MTO1: variants seen among roughly 807,000 people sequenced by gnomAD.
MTO1 encodes 5-taurinomethyluridine-[tRNA] synthase subunit MTO1, mitochondrial.
Under a neutral mutation model 71.6 loss-of-function variants are expected in MTO1, and 46 were observed. That is an observed-to-expected ratio of 0.64 (90% confidence interval 0.51 to 0.82). MTO1 has a LOEUF of 0.82. Among genes scored for constraint, MTO1 ranks in the 40% least tolerant of loss-of-function variants. The probability of loss-of-function intolerance (pLI) is 0.00; values close to 1 mark genes in which losing one functional copy is unlikely to be tolerated. For synonymous variants in MTO1, 297 were observed against 312.1 expected (o/e 0.95, Z 0.51); for missense variants, 773 against 867.5 (o/e 0.89, Z 1.37).
intron 1 of MTO1, among the ~76,000 whole-genome samples, chr6:73,464,458 C>T (rs1001061857): frequency 2.6e-5 from 4 of 152,030 alleles, no homozygotes; most frequent in African/African-American, 9.7e-5. Context: ...CAGTGCTATC[C>T]AGTCTCCCTG....
At chr6:73,492,943 C>G (rs1380510348) in intron 10 of MTO1, among the ~76,000 whole-genome samples, 1 of 147,062 alleles carries the variant, frequency 6.8e-6, no homozygotes, top group African/African-American at 2.5e-5. Flanking sequence ...CAGAGTCCTC[C>G]TATAAATAAA....
At chr6:73,497,684 T>TTAGTA in intron 10 of MTO1, 52 bp from the exon 11 acceptor site, 1 of 1,522,050 alleles carries the variant, frequency 6.6e-7, no homozygotes, top group Non-Finnish European at 9.0e-7. Context: ...ATGTAAGTTG[T>TTAGTA]TAGTATAATA....
intron 10 of MTO1, 101 bp downstream of exon 10, chr6:73,492,453 C>T: frequency 1.3e-6 from 1 of 765,000 alleles, no homozygotes; most frequent in South Asian, 1.6e-5. Context: ...GTGTTAGCTT[C>T]TGTGCTTTTC....
At chr6:73,467,791 A>G (rs781128080) in intron 3 of MTO1, among the ~76,000 whole-genome samples, 1 of 151,798 alleles carries the variant, frequency 6.6e-6, no homozygotes, top group Non-Finnish European at 1.5e-5. Flanking sequence ...TTACAGTTCT[A>G]GACATTATCT....
At chr6:73,479,457 T>C (rs537903738) in intron 4 of MTO1, among the ~76,000 whole-genome samples, 2 of 152,254 alleles carry the variant, frequency 1.3e-5, no homozygotes, top group South Asian at 4.1e-4. Context: ...ATCACGCTAC[T>C]GCCCTCCAGC....
intron 1 of MTO1, among the ~76,000 whole-genome samples, chr6:73,462,774 G>C (rs1770864987): frequency 6.6e-6 from 1 of 152,022 alleles, no homozygotes; most frequent in Non-Finnish European, 1.5e-5. Flanking sequence ...TTATTAAACG[G>C]TTCTTGTGTT....
chr6:73,468,002 G>A (rs1446851082), intron 3 of MTO1, among the ~76,000 whole-genome samples: 1 of 151,544 alleles, frequency 6.6e-6, no homozygotes, highest in Non-Finnish European at 1.5e-5. Flanking sequence ...TGTATTTTTA[G>A]TAGAGATGGG....
chr6:73,482,318 C>T, intron 8 of MTO1, 74 bp downstream of exon 8: 2 of 1,573,134 alleles, frequency 1.3e-6, no homozygotes, highest in Non-Finnish European at 8.7e-7. Flanking sequence ...ATTTGAGAGA[C>T]CAAGGCAAGA....
chr6:73,463,899 C>G (rs1464882818), intron 1 of MTO1, among the ~76,000 whole-genome samples: 1 of 151,926 alleles, frequency 6.6e-6, no homozygotes, highest in Admixed American at 6.6e-5. Flanking sequence ...GCCACCACGC[C>G]CAGCTAATTT....
intron 9 of MTO1, among the ~76,000 whole-genome samples, chr6:73,491,786 T>C (rs1297045373): frequency 6.6e-6 from 1 of 152,232 alleles, no homozygotes; most frequent in African/African-American, 2.4e-5. Flanking sequence ...TGCTACTGTT[T>C]AGCAGATGCT....
In MTO1 at chr6:73,504,922, C is replaced by A. The variant is rs1772246027; in HGVS notation, c.*4187C>A. ...AGGTGTGGTGGCTCACATCTGTAATCCCAGCATTTTGGGATTACAAATCTG... is the reference window on the plus strand; with the variant it reads ...AGGTGTGGTGGCTCACATCTGTAATACCAGCATTTTGGGATTACAAATCTG... On this transcript the variant is annotated 3_prime_UTR_variant, in exon 12 of 12. Transcript: ENST00000498286. 6.7e-6 allele frequency: 1 copy of A among 149,530 alleles called. No homozygotes were observed. The highest frequency in any genetic ancestry group is 1.5e-5 in the Non-Finnish European group (1 of 67,488). 9.3% of individuals were successfully genotyped at this position (149,530 alleles called of 1,614,324 possible).
At chr6:73,486,567 G>A (rs2132143) in intron 9 of MTO1, 61,326 of 433,460 alleles carry the variant, frequency 0.14, 5,460 homozygotes, top group Non-Finnish European at 0.19. Flanking sequence ...GTGAAACCTC[G>A]TCTCTACTAA....
In MTO1 at chr6:73,502,788, T is replaced by C. The variant is rs1247997990; in HGVS notation, c.*2053T>C. 6.6e-6 allele frequency: 1 copy of C among 151,642 alleles called. No individual in the cohort carries two copies. The highest frequency in any genetic ancestry group is 1.5e-5 in the Non-Finnish European group (1 of 68,000). 9.4% of individuals were successfully genotyped at this position (151,642 alleles called of 1,614,324 possible). A position where few individuals can be genotyped will look rare whatever the true frequency, so the allele number is the denominator to read the frequency against. On this transcript the variant is annotated 3_prime_UTR_variant, in exon 12 of 12. Transcript: ENST00000498286. ...GGCACGTGCCTGTAGTCCCAACTACTCAGGAGGCTGAGGCAAGAGAATCAC... is the reference window on the plus strand; with the variant it reads ...GGCACGTGCCTGTAGTCCCAACTACCCAGGAGGCTGAGGCAAGAGAATCAC...
Position 73,462,043 on chromosome 6 carries a change from G to C in MTO1, c.189G>C (p.Leu63=). The C allele has an allele frequency of 6.2e-7, 1 of 1,613,880 alleles. No homozygotes were observed. The highest frequency in any genetic ancestry group is 8.5e-7 in the Non-Finnish European group (1 of 1,179,928). The change falls in exon 1 of 12, where the codon CTG becomes CTC. Residue 63 remains leucine (L), a synonymous_variant. Coordinates refer to ENST00000498286, the MANE Select transcript of MTO1 (RefSeq NM_012123.4). ...TAAARCGSRT[L]LLTHRVDTIG... is the part of the protein sequence containing the mutation. Reference sequence around the variant, plus strand: ...CCGCTCGGTGCGGCTCTCGGACTCTGCTCCTCACTCACCGCGTGGACACGA... The same window carrying C: ...CCGCTCGGTGCGGCTCTCGGACTCTCCTCCTCACTCACCGCGTGGACACGA...
chr6:73,462,344 GCT>G, intron 1 of MTO1: 1 of 402,280 alleles, frequency 2.5e-6, no homozygotes, highest in Non-Finnish European at 4.3e-6. Context: ...GGGAAAGGGA[GCT>G]ACCAACTACT....
chr6:73,498,030 A>G (rs1772044438), intron 11 of MTO1, 134 bp downstream of exon 11: 1 of 782,706 alleles, frequency 1.3e-6, no homozygotes, highest in African/African-American at 1.7e-5. Context: ...CATGGGCAAC[A>G]CAGCAAGACC....
chr6:73,461,778 A>G lies in MTO1; in HGVS notation c.-77A>G. 1.4e-6 allele frequency: 2 copies of G among 1,474,022 alleles called. No individual in the cohort carries two copies. The highest frequency in any genetic ancestry group is 1.9e-6 in the Non-Finnish European group (2 of 1,069,160). 91.3% of individuals were successfully genotyped at this position (1,474,022 alleles called of 1,614,324 possible). Reference sequence around the variant, plus strand: ...TTAAAGCAAGATGGCCGCGCCCTGCAGATTGTCTCTTGTTGCGTAAGTTTT... The same window carrying G: ...TTAAAGCAAGATGGCCGCGCCCTGCGGATTGTCTCTTGTTGCGTAAGTTTT... On this transcript the variant is annotated 5_prime_UTR_variant, in exon 1 of 12. Coordinates refer to ENST00000498286, the MANE Select transcript of MTO1 (RefSeq NM_012123.4).
intron 10 of MTO1, among the ~76,000 whole-genome samples, chr6:73,493,412 T>A (rs974879748): frequency 6.7e-6 from 1 of 149,430 alleles, no homozygotes; most frequent in Non-Finnish European, 1.5e-5. Context: ...TTTTTTGAGA[T>A]GGAGTTTCAC....
intron 10 of MTO1, among the ~76,000 whole-genome samples, chr6:73,496,925 C>T (rs1420939529): frequency 4.6e-5 from 7 of 151,238 alleles, no homozygotes; most frequent in Non-Finnish European, 8.8e-5. Flanking sequence ...TGGTGGCTTG[C>T]GTCTATAATC....
Sources: gnomAD v4.1 joint callset for allele counts (sites outside exome capture counted in the v4.1 genomes callset) on GRCh38, gnomAD v4.1.1 for gene constraint, MANE v1.5 for transcripts, NCBI Gene and HGNC (gene_info 2026-07-23, HGNC 2026-07-21) for gene names.